The following AMMECR1 variants were observed in gnomAD, a reference collection of about 807,000 sequenced individuals.
AMMECR1 encodes nuclear protein AMMECR1.
A neutral mutation model predicts 22.5 loss-of-function variants in AMMECR1; 3 were observed. That is an observed-to-expected ratio of 0.13 (90% CI 0.06 to 0.35). The LOEUF (loss-of-function observed/expected upper bound fraction) is 0.35, where lower values mean the gene tolerates loss of function less well. Among genes scored for constraint, AMMECR1 ranks in the 10% least tolerant of loss-of-function variants. The pLI, the probability that AMMECR1 is intolerant of heterozygous loss-of-function variation, is 1.00. For synonymous variants in AMMECR1, 130 were observed against 116.7 expected (o/e 1.11, Z -0.74); for missense variants, 235 against 278.7 (o/e 0.84, Z 1.12).
intron 3 of AMMECR1, among the ~76,000 whole-genome samples, chrX:110,207,045 T>C (rs926895049): frequency 2.7e-5 from 3 of 111,824 alleles, no homozygotes; most frequent in African/African-American, 9.8e-5. Flanking sequence ...TTGAAGTGAA[T>C]GAAAGGACAC....
At chrX:110,423,322 C>T (rs1275489659) in intron 2 of AMMECR1, among the ~76,000 whole-genome samples, 61 of 99,361 alleles carry the variant, frequency 6.1e-4, no homozygotes, top group Non-Finnish European at 1.1e-3. Context: ...GAGTGAAACT[C>T]GGTCTCAAAA....
chrX:110,363,547 A>G (rs1440197155), intron 2 of AMMECR1, among the ~76,000 whole-genome samples: 1 of 112,137 alleles, frequency 8.9e-6, no homozygotes. Context: ...AGTCCATATA[A>G]CTAAGACGGG....
At chrX:110,415,630 A>G in intron 2 of AMMECR1, among the ~76,000 whole-genome samples, 1 of 111,435 alleles carries the variant, frequency 9.0e-6, no homozygotes, top group Non-Finnish European at 1.9e-5. Flanking sequence ...TTGCATGGTC[A>G]GGAATCTTGC....
intron 3 of AMMECR1, among the ~76,000 whole-genome samples, chrX:110,212,087 TA>T (rs1198156697): frequency 1.8e-5 from 2 of 112,214 alleles, no homozygotes; most frequent in Admixed American, 9.5e-5. Flanking sequence ...CTCTAGCTCC[TA>T]AAACAAGGTC....
At chrX:110,413,754 C>T (rs1257147834) in intron 2 of AMMECR1, among the ~76,000 whole-genome samples, 1 of 110,588 alleles carries the variant, frequency 9.0e-6, no homozygotes, top group Admixed American at 9.6e-5. Flanking sequence ...TTTTTGAGCC[C>T]CCTCCATCCA....
intron 2 of AMMECR1, among the ~76,000 whole-genome samples, chrX:110,359,208 T>C (rs1448536328): frequency 9.0e-6 from 1 of 111,155 alleles, no homozygotes; most frequent in African/African-American, 3.3e-5. Context: ...CAACAGAAAC[T>C]TGATTTTTCT....
chrX:110,415,169 C>G (rs1443895112), intron 2 of AMMECR1, among the ~76,000 whole-genome samples: 1 of 112,000 alleles, frequency 8.9e-6, no homozygotes, highest in Non-Finnish European at 1.9e-5. Context: ...GGCCGTAGCA[C>G]CAGAGCCATG....
At chrX:110,310,072 T>C (rs1484058144) in intron 1 of AMMECR1, among the ~76,000 whole-genome samples, 1 of 112,723 alleles carries the variant, frequency 8.9e-6, no homozygotes, top group Non-Finnish European at 1.9e-5. Context: ...TATCTACTTA[T>C]CTGAGCCATT....
At chrX:110,219,369 C>G in intron 2 of AMMECR1, 1 of 753,701 alleles carries the variant, frequency 1.3e-6, no homozygotes, top group Non-Finnish European at 1.6e-6. Flanking sequence ...GTACCTAGCT[C>G]TAGCTTTTTC....
intron 2 of AMMECR1, among the ~76,000 whole-genome samples, chrX:110,405,718 A>G (rs1422502430): frequency 1.8e-5 from 2 of 111,594 alleles, no homozygotes; most frequent in East Asian, 2.8e-4. Flanking sequence ...AGGTATTGCT[A>G]TTACCCTCAA....
intron 1 of AMMECR1, among the ~76,000 whole-genome samples, chrX:110,273,534 G>C (rs1288469040): frequency 8.9e-6 from 1 of 112,314 alleles, no homozygotes; most frequent in Non-Finnish European, 1.9e-5. Context: ...TGCTTTTAGA[G>C]TTTTCATCAT....
intron 1 of AMMECR1, among the ~76,000 whole-genome samples, chrX:110,299,674 GT>G (rs2067955356): frequency 9.0e-6 from 1 of 111,594 alleles, no homozygotes; most frequent in Non-Finnish European, 1.9e-5. Context: ...ATAATTGAAA[GT>G]TTGTATCCTT....
intron 2 of AMMECR1, among the ~76,000 whole-genome samples, chrX:110,244,654 C>G (rs1212696383): frequency 1.8e-5 from 2 of 112,006 alleles, no homozygotes; most frequent in Non-Finnish European, 3.8e-5. Context: ...GCACAGACAT[C>G]ATGTACTGTT....
chrX:110,300,621 T>G (rs1031366053), intron 1 of AMMECR1, among the ~76,000 whole-genome samples: 1 of 112,306 alleles, frequency 8.9e-6, no homozygotes, highest in African/African-American at 3.2e-5. Context: ...AATTGAGAGT[T>G]GCCGTAAGTG....
chrX:110,266,281 A>C (rs753598534), intron 1 of AMMECR1, among the ~76,000 whole-genome samples: 61 of 111,988 alleles, frequency 5.4e-4, no homozygotes, highest in Admixed American at 1.0e-3. Context: ...CATTACTCAT[A>C]TAAATACCAG....
chrX:110,318,192 G>C, upstream of AMMECR1: 1 of 564,105 alleles, frequency 1.8e-6, no homozygotes, highest in Non-Finnish European at 2.2e-6. Flanking sequence ...GGGCGCGCGC[G>C]CGCCGCTCCC....
chrX:110,247,698 A>C (rs1029592462), intron 2 of AMMECR1, among the ~76,000 whole-genome samples: 1 of 110,927 alleles, frequency 9.0e-6, no homozygotes, highest in Middle Eastern at 4.6e-3. Context: ...TCTCAAAAAA[A>C]AAAAAACAAA....
intron 4 of AMMECR1, among the ~76,000 whole-genome samples, chrX:110,202,094 T>C (rs1475044940): frequency 8.9e-6 from 1 of 112,402 alleles, no homozygotes; most frequent in Non-Finnish European, 1.9e-5. Context: ...AAGAACTATG[T>C]GGCTGATTGT....
intron 1 of AMMECR1, among the ~76,000 whole-genome samples, chrX:110,427,877 G>A (rs952572344): frequency 5.4e-5 from 6 of 111,513 alleles, no homozygotes; most frequent in Non-Finnish European, 1.1e-4. Flanking sequence ...CATTCCCACT[G>A]CTGTGCCCAT....
Sources: gnomAD v4.1 joint callset for allele counts (sites outside exome capture counted in the v4.1 genomes callset) on GRCh38, gnomAD v4.1.1 for gene constraint, MANE v1.5 for transcripts, NCBI Gene and HGNC (gene_info 2026-07-23, HGNC 2026-07-21) for gene names.